The following DNAH11 variants were observed in gnomAD, a reference collection of about 807,000 sequenced individuals.
DNAH11 encodes dynein axonemal heavy chain 11.
In DNAH11, 442 loss-of-function variants were observed where a neutral mutation model predicts 526.0. The observed-to-expected ratio is 0.84, with a 90% CI of 0.78 to 0.91. The LOEUF is 0.91. DNAH11 is among the 40% of genes least tolerant of loss of function. DNAH11 has a pLI of 0.00. For missense variants in DNAH11, 6,989 were observed against 5,448.7 expected (o/e 1.28, Z -8.90); for synonymous variants, 2,461 against 1,935.9 (o/e 1.27, Z -7.12).
intron 36 of DNAH11, among the ~76,000 whole-genome samples, chr7:21,699,733 C>T (rs1783985018): frequency 6.8e-6 from 1 of 148,122 alleles, no homozygotes; most frequent in Non-Finnish European, 1.5e-5. Context: ...ATCATGGTAA[C>T]AAGTCAGAAG....
At chr7:21,619,673 A>G (rs1785946909) in intron 24 of DNAH11, among the ~76,000 whole-genome samples, 1 of 152,144 alleles carries the variant, frequency 6.6e-6, no homozygotes, top group Admixed American at 6.5e-5. Context: ...GTATCTACCA[A>G]ACATTTAAGT....
rs755580178 is a variant in DNAH11 at position 21,710,568 on chromosome 7, T to C, written c.6699T>C (p.Tyr2233=). 10 of 1,609,510 alleles carry C rather than the reference T, an allele frequency of 6.2e-6. No individual in the cohort carries two copies. The highest frequency in any genetic ancestry group is 1.7e-5 in the Admixed American group (1 of 59,610). The change falls in exon 41 of 82, where the codon TAT becomes TAC. Residue 2233 remains tyrosine, a synonymous_variant. Coordinates refer to ENST00000409508, the MANE Select transcript of DNAH11 (RefSeq NM_001277115.2). ...TATATATTAGGATTGTTTACTCTTA[T>C]TTTATAGGTCTCTTCTCATCCATTC... ...EWKDGKIVYS[Y]FIGLFSSILR...
At chr7:21,554,366 G>A (rs915635035) in intron 2 of DNAH11, among the ~76,000 whole-genome samples, 1 of 151,896 alleles carries the variant, frequency 6.6e-6, no homozygotes, top group Non-Finnish European at 1.5e-5. Flanking sequence ...GTAGAGATGA[G>A]GTTTTGCCAT....
At chr7:21,728,825 A>G (rs1160060589) in intron 45 of DNAH11, among the ~76,000 whole-genome samples, 2 of 152,232 alleles carry the variant, frequency 1.3e-5, no homozygotes, top group African/African-American at 2.4e-5. Context: ...ACAGGTCCCA[A>G]GCAAGTCCAA....
chr7:21,848,825 T>C (rs569544409), intron 66 of DNAH11, among the ~76,000 whole-genome samples: 2 of 152,154 alleles, frequency 1.3e-5, no homozygotes, highest in Non-Finnish European at 2.9e-5. Flanking sequence ...CTTTTAAAAA[T>C]TTTTTTAGTG....
rs568962368 is a variant in DNAH11 at position 21,704,904 on chromosome 7, A to G, written c.6468+276A>G. Among the ~76,000 whole-genome samples the G allele has an allele frequency of 2.0e-5, 3 of 152,360 alleles. No homozygotes were observed. The South Asian group carries it at 6.2e-4, about 32-fold the overall frequency. ...ACAAAACTTGTTGGTTCTTCGAGAC[A>G]TGCACTAAAAATTTACTTTGTTCTT... On this transcript the variant is annotated intron_variant, in intron 38 of 81. Coordinates refer to ENST00000409508, the MANE Select transcript of DNAH11 (RefSeq NM_001277115.2).
intron 63 of DNAH11, among the ~76,000 whole-genome samples, chr7:21,808,953 C>T (rs1219186624): frequency 6.6e-6 from 1 of 152,158 alleles, no homozygotes; most frequent in African/African-American, 2.4e-5. Context: ...TGAGGAACCT[C>T]CATACTGTTT....
At chr7:21,843,706 C>G (rs1160610925) in intron 66 of DNAH11, among the ~76,000 whole-genome samples, 4 of 151,900 alleles carry the variant, frequency 2.6e-5, no homozygotes, top group Non-Finnish European at 4.4e-5. Flanking sequence ...GTCTCAAACT[C>G]CTCACCTTGT....
chr7:21,776,492 A>G (rs1787677191), intron 56 of DNAH11, among the ~76,000 whole-genome samples: 1 of 152,184 alleles, frequency 6.6e-6, no homozygotes, highest in Admixed American at 6.5e-5. Flanking sequence ...TGCCTTAAGG[A>G]ATGCCACATC....
chr7:21,882,853 T>C (rs888926447), intron 75 of DNAH11, among the ~76,000 whole-genome samples: 7 of 151,972 alleles, frequency 4.6e-5, no homozygotes, highest in African/African-American at 1.7e-4. Flanking sequence ...AAAGAACAGA[T>C]AATTATTTAA....
intron 20 of DNAH11, among the ~76,000 whole-genome samples, chr7:21,608,114 A>G (rs1187380252): frequency 6.6e-6 from 1 of 151,226 alleles, no homozygotes; most frequent in South Asian, 2.1e-4. Context: ...CGTAACTTTT[A>G]ACCATAGTCA....
chr7:21,565,977 C>G (rs79485182), intron 6 of DNAH11, among the ~76,000 whole-genome samples: 1 of 152,074 alleles, frequency 6.6e-6, no homozygotes, highest in Non-Finnish European at 1.5e-5. Flanking sequence ...TAAACAGGTT[C>G]CCTGGGTCCT....
At chr7:21,737,961 C>T (rs1032017138) in intron 46 of DNAH11, among the ~76,000 whole-genome samples, 5 of 151,984 alleles carry the variant, frequency 3.3e-5, no homozygotes, top group African/African-American at 1.2e-4. Context: ...TTCATTCATT[C>T]ATTTATTTGT....
intron 25 of DNAH11, among the ~76,000 whole-genome samples, chr7:21,625,587 A>G (rs1689534928): frequency 6.6e-6 from 1 of 152,098 alleles, no homozygotes; most frequent in African/African-American, 2.4e-5. Flanking sequence ...CTGAAGGGTT[A>G]GCATTAAGTT....
At chr7:21,641,807 G>C (rs17747439) in intron 28 of DNAH11, among the ~76,000 whole-genome samples, 6,241 of 152,256 alleles carry the variant, frequency 0.041, 144 homozygotes, top group Middle Eastern at 0.051. Flanking sequence ...CCCATTCATA[G>C]CATTTTAACT....
chr7:21,868,807 G>C (rs2128035617), intron 72 of DNAH11, 57 bp from the exon 73 acceptor site: 1 of 1,605,970 alleles, frequency 6.2e-7, no homozygotes, highest in Non-Finnish European at 8.5e-7. Flanking sequence ...AGAATTCCAG[G>C]CTCCTCTCAC....
intron 58 of DNAH11, among the ~76,000 whole-genome samples, chr7:21,786,228 G>A (rs1296941703): frequency 6.6e-6 from 1 of 152,102 alleles, no homozygotes; most frequent in African/African-American, 2.4e-5. Flanking sequence ...TTATGTGTCT[G>A]GGAGGGGCTT....
chr7:21,607,015 C>T (rs753801311), intron 20 of DNAH11, among the ~76,000 whole-genome samples: 5 of 152,128 alleles, frequency 3.3e-5, no homozygotes, highest in African/African-American at 7.2e-5. Context: ...TATTGACTCA[C>T]ACCATCACAA....
chr7:21,723,079 C>G (rs1345413861), intron 44 of DNAH11, among the ~76,000 whole-genome samples: 2 of 152,172 alleles, frequency 1.3e-5, no homozygotes, highest in Non-Finnish European at 2.9e-5. Flanking sequence ...CAAAAGGGCT[C>G]TAACTACAGA....
Sources: allele counts gnomAD v4.1 joint callset (sites outside exome capture counted in the v4.1 genomes callset), GRCh38; gene constraint gnomAD v4.1.1; transcripts MANE v1.5; gene names NCBI Gene and HGNC (gene_info 2026-07-23, HGNC 2026-07-21).